The following CPXM2 variants were observed in gnomAD, a reference collection of about 807,000 sequenced individuals.
CPXM2 encodes the protein carboxypeptidase X, M14 family member 2, also known as inactive carboxypeptidase-like protein X2.
Under a neutral mutation model 86.1 loss-of-function variants are expected in CPXM2, and 66 were observed. That is an observed-to-expected ratio of 0.77 (90% CI 0.63 to 0.94). The LOEUF (loss-of-function observed/expected upper bound fraction) is 0.94, where lower values mean the gene tolerates loss of function less well. CPXM2 is among the 40% of genes least tolerant of loss of function. The pLI is 0.00. For missense variants in CPXM2, 948 were observed against 1,026.3 expected (o/e 0.92, Z 1.04); for synonymous variants, 388 against 400.2 (o/e 0.97, Z 0.36).
chr10:123,774,168 A>G (rs1191187688), intron 7 of CPXM2, among the ~76,000 whole-genome samples: 1 of 152,192 alleles, frequency 6.6e-6, no homozygotes, highest in African/African-American at 2.4e-5. Flanking sequence ...GTGCTGCAGA[A>G]ACACACAGGA....
intron 10 of CPXM2, among the ~76,000 whole-genome samples, chr10:123,766,633 A>C (rs1219736): frequency 0.066 from 9,987 of 152,340 alleles, 522 homozygotes; most frequent in East Asian, 0.29. Context: ...ACATTAAGCA[A>C]TCAGTGAGGG....
intron 3 of CPXM2, among the ~76,000 whole-genome samples, chr10:123,861,046 A>G (rs1056402383): frequency 6.6e-6 from 1 of 152,162 alleles, no homozygotes; most frequent in Non-Finnish European, 1.5e-5. Context: ...AGCTTGGCTC[A>G]GATGCCCCCA....
intron 6 of CPXM2, among the ~76,000 whole-genome samples, chr10:123,789,808 C>T (rs925265726): frequency 7.9e-5 from 12 of 152,118 alleles, no homozygotes; most frequent in South Asian, 2.1e-4. Context: ...AAGCTAATTC[C>T]GATTGGCTAT....
At chr10:123,800,689 G>C (rs1357732929) in intron 4 of CPXM2, among the ~76,000 whole-genome samples, 1 of 151,896 alleles carries the variant, frequency 6.6e-6, no homozygotes, top group Non-Finnish European at 1.5e-5. Context: ...ACAATAAGAG[G>C]GGAGTAAAGA....
chr10:123,932,899 G>A (rs1205864971), intron 2 of CPXM2, among the ~76,000 whole-genome samples: 1 of 152,182 alleles, frequency 6.6e-6, no homozygotes, highest in Non-Finnish European at 1.5e-5. Context: ...ACTCACATGG[G>A]GGAGAGCTGG....
At chr10:123,782,052 G>A (rs900995629) in intron 6 of CPXM2, among the ~76,000 whole-genome samples, 13 of 152,186 alleles carry the variant, frequency 8.5e-5, no homozygotes, top group African/African-American at 1.2e-4. Flanking sequence ...ACTGTTATGC[G>A]AAGGGAAATA....
In CPXM2 at chr10:123,842,445, G is replaced by A. The variant is rs759082507; in HGVS notation, c.557C>T (p.Ala186Val). The part of the protein sequence containing the change: ...ENDFYDGAWC[A>V]GRNDLQQWIE... Reference sequence around the variant, plus strand: ...CCACTGCTGGAGGTCATTTCTTCCCGCGCACCACGCTCCGTCATAAAAATC... The same window carrying A: ...CCACTGCTGGAGGTCATTTCTTCCCACGCACCACGCTCCGTCATAAAAATC... Residue 186 changes from alanine (A) to valine (V), a missense_variant, in exon 4 of 14, where the codon GCG becomes GTG. Coordinates refer to ENST00000241305, the MANE Select transcript of CPXM2 (RefSeq NM_198148.3). The A allele has an allele frequency of 4.2e-5, 68 of 1,613,970 alleles. 1 individual carries two copies. The Middle Eastern group carries it at 8.2e-4, about 20-fold the overall frequency.
intron 2 of CPXM2, among the ~76,000 whole-genome samples, chr10:123,907,690 C>G (rs1293602655): frequency 2.9e-5 from 4 of 136,050 alleles, no homozygotes; most frequent in Non-Finnish European, 6.7e-5. Flanking sequence ...TAGATGCCCC[C>G]CCTCCCACAA....
rs369779958 is a variant in CPXM2, at chr10:123,761,997, A to T, written c.1652T>A (p.Leu551Gln). 1.9e-6 allele frequency: 3 copies of T among 1,613,720 alleles called. No individual in the cohort carries two copies. Among genetic ancestry groups the T allele is most frequent in the Non-Finnish European group, 2.5e-6 (3 of 1,179,732 alleles). Residue 551 changes from leucine (L) to glutamine (Q), a missense_variant, in exon 11 of 14, where the codon CTG (leucine) becomes CAG (glutamine). Coordinates refer to ENST00000241305, the MANE Select transcript of CPXM2 (RefSeq NM_198148.3). ...PTPDDHVFRW[L>Q]AYSYASTHRL... ...GTGTGTGGAGGCATAGGAGTAGGCC[A>T]GCCAGCGGAACACGTGGTCGTCGGG...
intron 3 of CPXM2, among the ~76,000 whole-genome samples, chr10:123,857,581 T>C (rs942257954): frequency 7.0e-6 from 1 of 142,162 alleles, no homozygotes; most frequent in Non-Finnish European, 1.6e-5. Flanking sequence ...GGCGTGGAGA[T>C]GGAAGGCGGC....
At chr10:123,773,336 TCA>T (rs1342188621) in intron 7 of CPXM2, among the ~76,000 whole-genome samples, 1 of 151,994 alleles carries the variant, frequency 6.6e-6, no homozygotes, top group Non-Finnish European at 1.5e-5. Context: ...GTTGTGGTCA[TCA>T]CCTCCCTCAT....
At chr10:123,917,526 C>A (rs913837779) in intron 2 of CPXM2, among the ~76,000 whole-genome samples, 1 of 152,232 alleles carries the variant, frequency 6.6e-6, no homozygotes, top group Non-Finnish European at 1.5e-5. Flanking sequence ...ATTTTGTACA[C>A]ATAATAATAG....
chr10:123,752,355 G>A lies in CPXM2; in HGVS notation c.2017+2308C>T, dbSNP rs1004887022. Reference sequence around the variant, plus strand: ...CATGGCTATAAGATCAGTGACAAATGGTAGGAATGTTCAGAAAATATTATT... The same window carrying A: ...CATGGCTATAAGATCAGTGACAAATAGTAGGAATGTTCAGAAAATATTATT... On this transcript the variant is annotated intron_variant, in intron 13 of 13. Coordinates refer to ENST00000241305, the MANE Select transcript of CPXM2 (RefSeq NM_198148.3). 8.1e-6 allele frequency: 8 copies of A among 984,682 alleles called. No individual in the cohort carries two copies. The African/African-American group carries it at 1.4e-4, about 17-fold the overall frequency. The allele number at this position is 984,682 out of a possible 1,614,324, so 61.0% of individuals were successfully genotyped here. A position where few individuals can be genotyped will look rare whatever the true frequency, so the allele number is the denominator to read the frequency against.
rs1268649078 is a variant in CPXM2 at position 123,780,197 on chromosome 10, A to C, written c.948T>G (p.Phe316Leu). The change falls in exon 7 of 14, where the codon TTT (phenylalanine) becomes TTG (leucine). Residue 316 changes from phenylalanine (F) to leucine (L), a missense_variant. Phe to Leu is a conservative substitution (Grantham distance 22). Coordinates refer to ENST00000241305, the MANE Select transcript of CPXM2 (RefSeq NM_198148.3). ...NEMTTTDDLD[F>L]KHHNYKEMRQ... ...GCATTTCCTTATAATTGTGGTGCTT[A>C]AAATCCAGGTCATCAGTGGTGGTCA... 4 of 1,610,528 alleles carry C rather than the reference A, an allele frequency of 2.5e-6. No homozygotes were observed. The highest frequency in any genetic ancestry group is 3.4e-6 in the Non-Finnish European group (4 of 1,176,798).
At chr10:123,834,785 T>C (rs1275835672) in intron 4 of CPXM2, among the ~76,000 whole-genome samples, 1 of 152,186 alleles carries the variant, frequency 6.6e-6, no homozygotes, top group Non-Finnish European at 1.5e-5. Context: ...CCTTCGTGAA[T>C]AGAGTAATGC....
chr10:123,868,980 CT>C (rs1386392443), intron 2 of CPXM2, among the ~76,000 whole-genome samples: 5 of 152,338 alleles, frequency 3.3e-5, no homozygotes, highest in South Asian at 2.1e-4. Flanking sequence ...CTTCCAAGGA[CT>C]AGGACTTTTC....
chr10:123,862,830 A>T, intron 2 of CPXM2, 107 bp from the exon 3 acceptor site: 1 of 859,172 alleles, frequency 1.2e-6, no homozygotes, highest in Non-Finnish European at 1.9e-6. Flanking sequence ...CTGAACTCCC[A>T]CCCACAGGCA....
chr10:123,759,427 TAGA>T (rs760952569), intron 11 of CPXM2, among the ~76,000 whole-genome samples: 17 of 152,236 alleles, frequency 1.1e-4, no homozygotes, highest in Admixed American at 4.6e-4. Flanking sequence ...TAGGAAGCTT[TAGA>T]AGAACTGGCA....
chr10:123,812,417 A>G (rs1847713160), intron 4 of CPXM2, among the ~76,000 whole-genome samples: 1 of 152,308 alleles, frequency 6.6e-6, no homozygotes, highest in Middle Eastern at 3.4e-3. Context: ...ATATGTGACA[A>G]GAGTAGTTTT....
Sources: allele counts gnomAD v4.1 joint callset (sites outside exome capture counted in the v4.1 genomes callset), GRCh38; gene constraint gnomAD v4.1.1; transcripts MANE v1.5; gene names NCBI Gene and HGNC (gene_info 2026-07-23, HGNC 2026-07-21).